Variants in RBMS2 observed in about 807,000 individuals in gnomAD.
The protein encoded by RBMS2 is RNA binding motif single stranded interacting protein 2.
A neutral mutation model predicts 58.4 loss-of-function variants in RBMS2; 38 were observed. That is an observed-to-expected ratio of 0.65 (90% CI 0.50 to 0.85). The LOEUF (loss-of-function observed/expected upper bound fraction) is 0.85. Ranked by LOEUF, RBMS2 falls within the 40% of genes least tolerant of loss-of-function variation. The pLI is 0.00. For synonymous variants in RBMS2, 151 were observed against 180.7 expected, an observed-to-expected ratio of 0.84 and a Z score of 1.32; for missense variants, 367 against 503.7, an observed-to-expected ratio of 0.73 and a Z score of 2.60.
At position 56,548,971 on chromosome 12, in the gene RBMS2, C is replaced by T. The variant is rs115121424; in HGVS notation, c.67-13446C>T. On this transcript the variant is annotated intron_variant, in intron 1 of 13. Coordinates refer to ENST00000262031, the MANE Select transcript of RBMS2 (RefSeq NM_002898.4). ...AACCTAAACTAAATGAGCACTTGAT[C>T]GGAGAGCTTAATTTTCAGAAATGCA... Among the ~76,000 whole-genome samples, 1,512 of 152,100 alleles carry T rather than the reference C, an allele frequency of 9.9e-3. 27 individuals are homozygous for T. Among genetic ancestry groups the T allele is most frequent in the African/African-American group, 0.034 (1,410 of 41,502 alleles).
intron 1 of RBMS2, among the ~76,000 whole-genome samples, chr12:56,537,013 C>G (rs1284417265): frequency 6.6e-6 from 1 of 151,648 alleles, no homozygotes; most frequent in Non-Finnish European, 1.5e-5. Flanking sequence ...CTCCGCCTCC[C>G]AGGTTCAAGT....
At chr12:56,526,668 T>A (rs1269469652) in intron 1 of RBMS2, among the ~76,000 whole-genome samples, 5 of 117,452 alleles carry the variant, frequency 4.3e-5, no homozygotes, top group Admixed American at 9.7e-5. Context: ...CTTGGTTCAT[T>A]AAAAAAAAAA....
chr12:56,562,347 C>T (rs540328891), intron 1 of RBMS2, 70 bp from the exon 2 acceptor site: 3 of 1,432,634 alleles, frequency 2.1e-6, no homozygotes, highest in African/African-American at 2.8e-5. Context: ...TTCAAGAGGT[C>T]CAGGATCTTC....
intron 9 of RBMS2, among the ~76,000 whole-genome samples, chr12:56,584,822 CTTT>C (rs373639334): frequency 3.8e-5 from 5 of 129,982 alleles, no homozygotes. Context: ...AACTTCTTGT[CTTT>C]TTTTTTTTTT....
intron 1 of RBMS2, among the ~76,000 whole-genome samples, chr12:56,524,217 A>G (rs551139293): frequency 3.0e-4 from 45 of 152,234 alleles, no homozygotes; most frequent in Admixed American, 6.6e-4. Flanking sequence ...CAATTCAGGA[A>G]TTGTTGGAAT....
At chr12:56,568,116 A>G (rs1166407978) in intron 2 of RBMS2, among the ~76,000 whole-genome samples, 1 of 152,254 alleles carries the variant, frequency 6.6e-6, no homozygotes. Flanking sequence ...AAGATCACGC[A>G]TAGCTAAAAA....
intron 1 of RBMS2, among the ~76,000 whole-genome samples, chr12:56,559,626 C>T (rs1363485474): frequency 6.7e-6 from 1 of 149,912 alleles, no homozygotes; most frequent in South Asian, 2.1e-4. Context: ...CCAAGACGGG[C>T]GGATCACGAG....
chr12:56,565,083 C>T (rs1230770796), intron 2 of RBMS2, among the ~76,000 whole-genome samples: 1 of 152,104 alleles, frequency 6.6e-6, no homozygotes, highest in Non-Finnish European at 1.5e-5. Flanking sequence ...CTCCTATATA[C>T]TTTAAAATTA....
chr12:56,520,891 A>T (rs1445944212), upstream of RBMS2, among the ~76,000 whole-genome samples: 1 of 152,216 alleles, frequency 6.6e-6, no homozygotes, highest in Non-Finnish European at 1.5e-5. Context: ...GTTAAATAAG[A>T]TAGCCTGCAA....
chr12:56,555,973 G>T (rs1879159727), intron 1 of RBMS2, among the ~76,000 whole-genome samples: 1 of 151,826 alleles, frequency 6.6e-6, no homozygotes, highest in Non-Finnish European at 1.5e-5. Flanking sequence ...TTGAGCCCAG[G>T]AGTTTGAGAT....
At chr12:56,585,473 A>T (rs1884556528) in intron 9 of RBMS2, among the ~76,000 whole-genome samples, 1 of 152,258 alleles carries the variant, frequency 6.6e-6, no homozygotes, top group South Asian at 2.1e-4. Flanking sequence ...GTGATTACAC[A>T]AAAGTAAAAT....
chr12:56,589,018 G>A lies in RBMS2; in HGVS notation c.*6G>A. ...CTTTCCAGTTCAACAAGTAACAGTG[G>A]GTAAGAACCACATGCTGGGGGGCAG... On this transcript the variant is annotated splice_region_variant and 3_prime_UTR_variant, in exon 13 of 14. Transcript: ENST00000262031. 6.2e-7 allele frequency: 1 copy of A among 1,614,162 alleles called. No individual in the cohort carries two copies. The highest frequency in any genetic ancestry group is 8.5e-7 in the Non-Finnish European group (1 of 1,180,026).
At chr12:56,587,798 C>A in intron 11 of RBMS2, 134 bp downstream of exon 11, 1 of 1,306,968 alleles carries the variant, frequency 7.7e-7, no homozygotes, top group Non-Finnish European at 1.0e-6. Context: ...CAGAACAGGA[C>A]ATAAACTACA....
chr12:56,549,476 C>G (rs1039831124), intron 1 of RBMS2, among the ~76,000 whole-genome samples: 2 of 152,168 alleles, frequency 1.3e-5, no homozygotes, highest in African/African-American at 4.8e-5. Flanking sequence ...GAAGGACACT[C>G]TCTTTTCTCC....
At chr12:56,534,797 A>G (rs1874447754) in intron 1 of RBMS2, among the ~76,000 whole-genome samples, 1 of 152,034 alleles carries the variant, frequency 6.6e-6, no homozygotes, top group Non-Finnish European at 1.5e-5. Flanking sequence ...GCCCGCCACC[A>G]TGCCCGGCTA....
intron 1 of RBMS2, among the ~76,000 whole-genome samples, chr12:56,532,411 G>A (rs868776201): frequency 2.6e-5 from 4 of 151,758 alleles, no homozygotes; most frequent in South Asian, 2.1e-4. Context: ...GCATGGTGGC[G>A]CATGCCTGTA....
At chr12:56,555,580 C>G (rs1487443637) in intron 1 of RBMS2, among the ~76,000 whole-genome samples, 1 of 151,816 alleles carries the variant, frequency 6.6e-6, no homozygotes, top group African/African-American at 2.4e-5. Flanking sequence ...CATAGCAAGA[C>G]TCCGCCTCTA....
In RBMS2 at chr12:56,529,563, CAACAACAACAACAAT is replaced by C. The variant is rs1384872686; in HGVS notation, c.66+7489_66+7503del. ...ACAGAGCAAGACTCTGTCCCAACAA[CAACAACAACAACAAT>C]AACAACAACAACAACAAAACAAATC... is the stretch of plus-strand genomic sequence containing the variant. On this transcript the variant is annotated intron_variant, in intron 1 of 13. Transcript: ENST00000262031. Among the ~76,000 whole-genome samples the C allele has an allele frequency of 2.8e-3, 426 of 151,160 alleles. 2 individuals are homozygous for C. Among genetic ancestry groups the C allele is most frequent in the African/African-American group, 0.01 (420 of 41,158 alleles).
At chr12:56,526,238 T>C (rs1395433856) in intron 1 of RBMS2, among the ~76,000 whole-genome samples, 1 of 151,588 alleles carries the variant, frequency 6.6e-6, no homozygotes. Context: ...ACCCAGGAGG[T>C]GGATGTTGCA....
Sources: gnomAD v4.1 joint callset for allele counts (sites outside exome capture counted in the v4.1 genomes callset) on GRCh38, gnomAD v4.1.1 for gene constraint, MANE v1.5 for transcripts, NCBI Gene and HGNC (gene_info 2026-07-23, HGNC 2026-07-21) for gene names.